The following HGSNAT variants were observed in gnomAD, a reference collection of about 807,000 sequenced individuals.
HGSNAT encodes the protein transmembrane protein 76.
HGSNAT carries 59 observed loss-of-function variants against 85.2 expected under a neutral mutation model. The ratio of observed to expected loss-of-function variants is 0.69; its 90% confidence interval spans 0.56 to 0.86. The LOEUF is 0.86. Ranked by LOEUF, HGSNAT falls within the 40% of genes least tolerant of loss-of-function variation. The pLI is 0.00. For missense variants in HGSNAT, 756 were observed against 777.1 expected, an observed-to-expected ratio of 0.97 and a Z score of 0.32; for synonymous variants, 321 against 304.5, an observed-to-expected ratio of 1.05 and a Z score of -0.56.
At chr8:43,195,836 C>T (rs1232387425) in intron 14 of HGSNAT, 1 of 155,232 alleles carries the variant, frequency 6.4e-6, no homozygotes, top group Non-Finnish European at 1.4e-5. Flanking sequence ...GTAACAGAGG[C>T]AGAAGAGAAT....
rs189199139 is a variant in HGSNAT at position 43,199,199 on chromosome 8, C to A, written c.1727-189C>A. ...TATAGTCGTGAGCCACTACACCAGG[C>A]CTTTCAATAATTTTTGATATGGTTT... On this transcript the variant is annotated intron_variant, in intron 17 of 17. Coordinates refer to ENST00000379644, the MANE Select transcript of HGSNAT (RefSeq NM_152419.3). Among the ~76,000 whole-genome samples, 636 of 152,308 alleles carry A rather than the reference C, an allele frequency of 4.2e-3. 1 individual carries two copies. The highest frequency in any genetic ancestry group is 7.2e-3 in the Non-Finnish European group (487 of 68,026).
intron 4 of HGSNAT, 41 bp downstream of exon 4, chr8:43,159,085 C>A: frequency 6.3e-7 from 1 of 1,591,074 alleles, no homozygotes; most frequent in South Asian, 1.1e-5. Context: ...TTTGCATTTT[C>A]AGAGGTTTCA....
chr8:43,198,824 G>A (rs1030154261), intron 17 of HGSNAT, among the ~76,000 whole-genome samples: 2 of 152,166 alleles, frequency 1.3e-5, no homozygotes, highest in Non-Finnish European at 2.9e-5. Context: ...GAAAATATAA[G>A]TTATTAATAA....
At chr8:43,195,544 T>C (rs527991269) in intron 14 of HGSNAT, among the ~76,000 whole-genome samples, 19 of 60,698 alleles carry the variant, frequency 3.1e-4, no homozygotes, top group Admixed American at 3.0e-3. Context: ...GAGGAGGGAG[T>C]AGAGGAGGAG....
intron 11 of HGSNAT, among the ~76,000 whole-genome samples, chr8:43,183,063 C>T (rs7838753): frequency 0.82 from 124,858 of 152,196 alleles, 51,685 homozygotes; most frequent in Non-Finnish European, 0.88. Context: ...CAGTGTGTAA[C>T]GATCAAATCA....
At chr8:43,171,876 C>G (rs1803636084) in intron 7 of HGSNAT, among the ~76,000 whole-genome samples, 2 of 152,174 alleles carry the variant, frequency 1.3e-5, no homozygotes, top group Non-Finnish European at 2.9e-5. Context: ...TGATGAGAAC[C>G]TTGCCCAGGG....
At chr8:43,198,174 T>C (rs1304244492) in intron 17 of HGSNAT, among the ~76,000 whole-genome samples, 1 of 152,154 alleles carries the variant, frequency 6.6e-6, no homozygotes, top group African/African-American at 2.4e-5. Flanking sequence ...ACCGTGTAGG[T>C]TGTGGAGTCG....
intron 2 of HGSNAT, among the ~76,000 whole-genome samples, chr8:43,151,084 A>G (rs1802902016): frequency 6.6e-6 from 1 of 152,218 alleles, no homozygotes; most frequent in Admixed American, 6.5e-5. Flanking sequence ...CACCAAATTT[A>G]TGTGGGTCCC....
intron 11 of HGSNAT, among the ~76,000 whole-genome samples, chr8:43,190,491 T>C (rs1487668224): frequency 6.6e-6 from 1 of 152,156 alleles, no homozygotes; most frequent in Non-Finnish European, 1.5e-5. Flanking sequence ...TGGATTTCCT[T>C]AGGGTGAAGG....
At chr8:43,168,483 G>A (rs1452205091) in intron 5 of HGSNAT, among the ~76,000 whole-genome samples, 2 of 122,990 alleles carry the variant, frequency 1.6e-5, no homozygotes, top group Non-Finnish European at 3.2e-5. Context: ...ACTTCCCTCC[G>A]CCTCCTGGGT....
chr8:43,191,330 A>C (rs1176360074), intron 11 of HGSNAT, 144 bp from the exon 12 acceptor site: 3 of 882,234 alleles, frequency 3.4e-6, no homozygotes, highest in East Asian at 5.0e-5. Flanking sequence ...GAACATCTGG[A>C]GAACCTAACG....
At position 43,151,395 on chromosome 8, in the gene HGSNAT, G is replaced by C. The variant is rs190994509; in HGVS notation, c.234+4332G>C. On this transcript the variant is annotated intron_variant, in intron 2 of 17. Transcript: ENST00000379644. ...CGGAACCTGCCGCTGAGCTCCTTGG[G>C]AGTGTTTCGTGACTGAGTGTCTGTA... Among the ~76,000 whole-genome samples the C allele has an allele frequency of 9.6e-4, 146 of 152,298 alleles. 2 individuals carry two copies. Among genetic ancestry groups the C allele is most frequent in the Admixed American group, 9.1e-3 (139 of 15,280 alleles).
intron 2 of HGSNAT, among the ~76,000 whole-genome samples, chr8:43,151,812 G>A (rs1368718822): frequency 6.6e-6 from 1 of 152,160 alleles, no homozygotes; most frequent in African/African-American, 2.4e-5. Context: ...AGTGTTTTAG[G>A]TCTGTCTCAT....
At position 43,201,449 on chromosome 8, in the gene HGSNAT, C is replaced by T. The variant is rs1381532194; in HGVS notation, c.*1880C>T. On this transcript the variant is annotated 3_prime_UTR_variant, in exon 18 of 18. Transcript: ENST00000379644. This position sits in a 1 kb window ranked among gnomAD's most constrained non-coding sequence, Gnocchi z 4.4. ...GGGGCTTCTCCTGCCTCCATCACAT[C>T]ACAGAAGTACCTCCTGCTTCTGGTT... 1 of 152,322 alleles carries T rather than the reference C, an allele frequency of 6.6e-6. No homozygotes were observed. Among genetic ancestry groups the T allele is most frequent in the African/African-American group, 2.4e-5 (1 of 41,426 alleles). The allele number at this position is 152,322 out of a possible 1,614,324, so 9.4% of individuals were successfully genotyped here.
At chr8:43,177,340 G>C (rs187010565) in intron 9 of HGSNAT, among the ~76,000 whole-genome samples, 1 of 151,506 alleles carries the variant, frequency 6.6e-6, no homozygotes, top group Non-Finnish European at 1.5e-5. Context: ...TCACAAGGTC[G>C]GGAGATTGAG....
At chr8:43,148,632 T>A (rs1802789854) in intron 2 of HGSNAT, among the ~76,000 whole-genome samples, 1 of 143,964 alleles carries the variant, frequency 6.9e-6, no homozygotes, top group Non-Finnish European at 1.5e-5. Context: ...TATTAAAAAA[T>A]ACAAAAAATT....
chr8:43,190,435 T>C (rs1046269053), intron 11 of HGSNAT, among the ~76,000 whole-genome samples: 2 of 152,232 alleles, frequency 1.3e-5, no homozygotes, highest in Non-Finnish European at 2.9e-5. Flanking sequence ...TTAGTCATTG[T>C]TACTCTTTCC....
In HGSNAT at chr8:43,197,651, TCC is replaced by T. The variant is rs762569922; in HGVS notation, c.1543-20_1543-19del. On this transcript the variant is annotated intron_variant, in intron 15 of 17. Transcript: ENST00000379644. ...GAGATAATAATATAAAATGTTAACA[TCC>T]TTCTCTTCCCCATTACAGGGGCTCA... 1.9e-6 allele frequency: 3 copies of T among 1,568,494 alleles called. No homozygotes were observed. In the Admixed American group the frequency reaches 5.0e-5, roughly 26 times the overall value.
chr8:43,169,101 C>T, intron 5 of HGSNAT, 72 bp from the exon 6 acceptor site: 8 of 756,620 alleles, frequency 1.1e-5, no homozygotes, highest in Admixed American at 3.1e-5. Context: ...ATTTTATTTC[C>T]ATATAATATC....
Sources: allele counts gnomAD v4.1 joint callset (sites outside exome capture counted in the v4.1 genomes callset), GRCh38; gene constraint gnomAD v4.1.1; non-coding constraint Gnocchi (gnomAD v3.1); transcripts MANE v1.5; gene names NCBI Gene and HGNC (gene_info 2026-07-23, HGNC 2026-07-21).